The following SGCZ variants were observed in gnomAD, a reference collection of about 807,000 sequenced individuals.
SGCZ encodes the protein zeta-sarcoglycan.
A neutral mutation model predicts 41.3 loss-of-function variants in SGCZ; 40 were observed. That is an observed-to-expected ratio of 0.97 (90% confidence interval 0.75 to 1.26). The LOEUF is 1.26. Ranked by LOEUF, SGCZ falls within the 50% of genes most tolerant of loss-of-function variation. The pLI, the probability that SGCZ is intolerant of heterozygous loss-of-function variation, is 0.00. For missense variants in SGCZ, 552 were observed against 369.8 expected, an observed-to-expected ratio of 1.49 and a Z score of -4.04; for synonymous variants, 206 against 137.5, an observed-to-expected ratio of 1.50 and a Z score of -3.49.
chr8:14,567,525 A>G (rs1344076620), intron 1 of SGCZ, among the ~76,000 whole-genome samples: 1 of 152,072 alleles, frequency 6.6e-6, no homozygotes, highest in African/African-American at 2.4e-5. Context: ...GTCAAAACAA[A>G]CCAATCGGCT....
chr8:15,187,681 T>C (rs1055239667), intron 1 of SGCZ, among the ~76,000 whole-genome samples: 1 of 152,000 alleles, frequency 6.6e-6, no homozygotes, highest in African/African-American at 2.4e-5. Flanking sequence ...TCAAAACCCA[T>C]AACTTATTAA....
At chr8:14,227,666 G>C (rs1007819226) in intron 4 of SGCZ, among the ~76,000 whole-genome samples, 2 of 152,016 alleles carry the variant, frequency 1.3e-5, no homozygotes, top group Non-Finnish European at 2.9e-5. Flanking sequence ...GAAGAGATTT[G>C]GGTAATACTG....
At chr8:14,860,186 C>CT (rs112546263) in intron 1 of SGCZ, among the ~76,000 whole-genome samples, 4,615 of 150,380 alleles carry the variant, frequency 0.031, 102 homozygotes, top group South Asian at 0.063. Flanking sequence ...TACACAAAGT[C>CT]TTTTTTTTTG....
intron 1 of SGCZ, among the ~76,000 whole-genome samples, chr8:14,582,453 G>T (rs1056463668): frequency 6.6e-6 from 1 of 151,664 alleles, no homozygotes; most frequent in Non-Finnish European, 1.5e-5. Context: ...CATGTATTTT[G>T]GGGGGAGCTT....
intron 2 of SGCZ, among the ~76,000 whole-genome samples, chr8:14,528,582 CTT>C (rs1210978277): frequency 6.6e-6 from 1 of 152,018 alleles, no homozygotes. Context: ...TTAAAATAGA[CTT>C]TCTCTGTGGT....
At chr8:14,301,568 G>A (rs925665171) in intron 3 of SGCZ, among the ~76,000 whole-genome samples, 5 of 152,050 alleles carry the variant, frequency 3.3e-5, no homozygotes, top group Non-Finnish European at 5.9e-5. Flanking sequence ...GAAATCTGGG[G>A]TGATAGATAT....
intron 1 of SGCZ, among the ~76,000 whole-genome samples, chr8:14,915,126 A>G (rs1283351435): frequency 2.6e-5 from 4 of 152,172 alleles, no homozygotes; most frequent in Non-Finnish European, 4.4e-5. Flanking sequence ...TCAGAGATTC[A>G]AAAACTCTGG....
At chr8:14,172,718 A>T (rs138335937) in intron 4 of SGCZ, among the ~76,000 whole-genome samples, 1 of 152,134 alleles carries the variant, frequency 6.6e-6, no homozygotes, top group Non-Finnish European at 1.5e-5. Flanking sequence ...AATAGAGCCC[A>T]TCGGTGTTGG....
chr8:14,603,024 C>G (rs1356084308), intron 1 of SGCZ, among the ~76,000 whole-genome samples: 2 of 152,138 alleles, frequency 1.3e-5, no homozygotes, highest in African/African-American at 4.8e-5. Flanking sequence ...GGAAAACATT[C>G]AGGCATGGCT....
chr8:15,207,261 C>T (rs1282494755), intron 1 of SGCZ, among the ~76,000 whole-genome samples: 1 of 152,058 alleles, frequency 6.6e-6, no homozygotes, highest in Non-Finnish European at 1.5e-5. Flanking sequence ...GAAAACTGGA[C>T]CTTTGAAAGA....
chr8:14,752,531 C>T (rs1250893653), intron 1 of SGCZ, among the ~76,000 whole-genome samples: 3 of 151,964 alleles, frequency 2.0e-5, no homozygotes, highest in South Asian at 2.1e-4. Flanking sequence ...ATTATCTAGC[C>T]CAATTGGTCT....
chr8:14,414,393 G>A (rs1016606365), intron 2 of SGCZ, among the ~76,000 whole-genome samples: 2 of 151,868 alleles, frequency 1.3e-5, no homozygotes, highest in Admixed American at 1.3e-4. Context: ...ACTCCCTGGA[G>A]AGTACAAGTA....
At chr8:15,184,769 T>A (rs1800286048) in intron 1 of SGCZ, among the ~76,000 whole-genome samples, 1 of 152,186 alleles carries the variant, frequency 6.6e-6, no homozygotes, top group African/African-American at 2.4e-5. Flanking sequence ...GCTTTGGTAA[T>A]ATCGGGTGAT....
At chr8:15,008,415 T>C (rs1802684877) in intron 1 of SGCZ, among the ~76,000 whole-genome samples, 2 of 150,572 alleles carry the variant, frequency 1.3e-5, no homozygotes, top group Admixed American at 6.6e-5. Context: ...ATAACCACAA[T>C]TAGGAAAAAC....
At chr8:14,783,932 T>G (rs1439215922) in intron 1 of SGCZ, among the ~76,000 whole-genome samples, 1 of 152,232 alleles carries the variant, frequency 6.6e-6, no homozygotes, top group Non-Finnish European at 1.5e-5. Context: ...AATTGAAGTT[T>G]TTGAAGAATC....
chr8:14,956,249 A>G (rs1800788849), intron 1 of SGCZ, among the ~76,000 whole-genome samples: 1 of 151,914 alleles, frequency 6.6e-6, no homozygotes, highest in African/African-American at 2.4e-5. Flanking sequence ...CCTGTTGGCC[A>G]GCATGGTCTT....
At chr8:14,827,391 CA>C (rs1176222150) in intron 1 of SGCZ, among the ~76,000 whole-genome samples, 1 of 152,028 alleles carries the variant, frequency 6.6e-6, no homozygotes, top group Non-Finnish European at 1.5e-5. Flanking sequence ...CATGCACCAC[CA>C]TGCCCAGCTA....
chr8:15,011,634 T>C (rs189435487), intron 1 of SGCZ, among the ~76,000 whole-genome samples: 120 of 152,296 alleles, frequency 7.9e-4, no homozygotes, highest in Admixed American at 1.3e-3. Flanking sequence ...TTTGAATAAA[T>C]TCTTCCATCA....
At chr8:14,617,996 G>C (rs1220140748) in intron 1 of SGCZ, among the ~76,000 whole-genome samples, 2 of 152,044 alleles carry the variant, frequency 1.3e-5, no homozygotes, top group South Asian at 4.1e-4. Flanking sequence ...GAAGTCCAGA[G>C]ACCTCTTTGA....
Sources: allele counts gnomAD v4.1 joint callset (sites outside exome capture counted in the v4.1 genomes callset), GRCh38; gene constraint gnomAD v4.1.1; transcripts MANE v1.5; gene names NCBI Gene and HGNC (gene_info 2026-07-23, HGNC 2026-07-21).